HDAC9: variants seen among roughly 807,000 people sequenced by gnomAD.
HDAC9 encodes the protein histone deacetylase 9.
Under a neutral mutation model 139.4 loss-of-function variants are expected in HDAC9, and 41 were observed. That is an observed-to-expected ratio of 0.29 (90% CI 0.23 to 0.38). HDAC9 has a LOEUF of 0.38. HDAC9 is among the 10% of genes least tolerant of loss of function. HDAC9 has a pLI of 1.00. For missense variants in HDAC9, 1,147 were observed against 1,297.0 expected (o/e 0.88, Z 1.78); for synonymous variants, 517 against 476.2 (o/e 1.09, Z -1.12).
At chr7:18,369,236 C>G (rs1018967802) in intron 1 of HDAC9, among the ~76,000 whole-genome samples, 2 of 151,874 alleles carry the variant, frequency 1.3e-5, no homozygotes, top group African/African-American at 4.8e-5. Flanking sequence ...TGTTTTGTCT[C>G]AATGTAACAG....
At chr7:18,840,397 C>G (rs1001464208) in intron 21 of HDAC9, among the ~76,000 whole-genome samples, 1 of 152,042 alleles carries the variant, frequency 6.6e-6, no homozygotes, top group Non-Finnish European at 1.5e-5. Flanking sequence ...GGGGAAAACT[C>G]TGACCCAGAA....
chr7:18,636,378 T>G (rs1029600747), intron 8 of HDAC9, among the ~76,000 whole-genome samples: 1 of 152,036 alleles, frequency 6.6e-6, no homozygotes. Context: ...CTAGTCCTTG[T>G]GTAGATCTGT....
intron 21 of HDAC9, among the ~76,000 whole-genome samples, chr7:18,871,820 TAA>T (rs1237854086): frequency 6.6e-6 from 1 of 152,108 alleles, no homozygotes; most frequent in Non-Finnish European, 1.5e-5. Flanking sequence ...ATTGCCAAAA[TAA>T]AGAGATCTGT....
chr7:18,880,092 C>G (rs1277615003), intron 22 of HDAC9, among the ~76,000 whole-genome samples: 1 of 152,094 alleles, frequency 6.6e-6, no homozygotes, highest in East Asian at 1.9e-4. Flanking sequence ...GAAATGCGAT[C>G]AAAGCCACAA....
At chr7:18,827,333 G>C (rs1326973601) in intron 17 of HDAC9, among the ~76,000 whole-genome samples, 2 of 151,946 alleles carry the variant, frequency 1.3e-5, no homozygotes, top group Non-Finnish European at 2.9e-5. Context: ...TGTGTACATA[G>C]TTAATGGCAC....
At chr7:18,786,779 TTTTC>T (rs774533317) in intron 16 of HDAC9, among the ~76,000 whole-genome samples, 10,082 of 79,842 alleles carry the variant, frequency 0.13, 989 homozygotes, top group African/African-American at 0.21. Context: ...TCTTTCTTTC[TTTTC>T]TTTCTTTCTT....
intron 13 of HDAC9, among the ~76,000 whole-genome samples, chr7:18,732,671 ATG>A (rs1193727539): frequency 8.0e-6 from 1 of 124,446 alleles, no homozygotes; most frequent in Non-Finnish European, 1.7e-5. Flanking sequence ...ACACGTGTAT[ATG>A]TGTGCGTATG....
intron 13 of HDAC9, among the ~76,000 whole-genome samples, chr7:18,735,152 G>T (rs764518378): frequency 2.0e-5 from 3 of 152,118 alleles, no homozygotes; most frequent in Non-Finnish European, 4.4e-5. Flanking sequence ...TTGTCAGATG[G>T]GTAGATTGCA....
intron 2 of HDAC9, among the ~76,000 whole-genome samples, chr7:18,534,082 T>C (rs2035504688): frequency 1.3e-5 from 2 of 152,218 alleles, no homozygotes. Flanking sequence ...CCTCCTTTCA[T>C]GTTTGTTTTG....
chr7:18,499,830 C>G (rs1321799236), intron 2 of HDAC9, among the ~76,000 whole-genome samples: 1 of 152,056 alleles, frequency 6.6e-6, no homozygotes, highest in African/African-American at 2.4e-5. Flanking sequence ...TATCTTCACC[C>G]TTTTTTGAAT....
At chr7:18,701,880 C>A (rs1314459006) in intron 12 of HDAC9, among the ~76,000 whole-genome samples, 1 of 152,234 alleles carries the variant, frequency 6.6e-6, no homozygotes, top group Non-Finnish European at 1.5e-5. Flanking sequence ...AATTCTTGCT[C>A]TATTAATTAC....
intron 22 of HDAC9, among the ~76,000 whole-genome samples, chr7:18,887,457 G>A (rs1244170972): frequency 6.6e-6 from 1 of 152,108 alleles, no homozygotes; most frequent in Admixed American, 6.5e-5. Flanking sequence ...TTTGTGTCTT[G>A]ATGTTCTTTT....
intron 2 of HDAC9, among the ~76,000 whole-genome samples, chr7:18,500,218 A>G (rs900194141): frequency 1.3e-5 from 2 of 152,188 alleles, no homozygotes; most frequent in African/African-American, 4.8e-5. Flanking sequence ...TGGAAGACTG[A>G]AATAAATCCA....
At chr7:18,971,738 G>A (rs966268615) in intron 24 of HDAC9, among the ~76,000 whole-genome samples, 2 of 152,118 alleles carry the variant, frequency 1.3e-5, no homozygotes, top group African/African-American at 4.8e-5. Context: ...TAAAGTTTTG[G>A]GTTATTTCTG....
At chr7:18,829,120 C>G in intron 17 of HDAC9, 41 bp from the exon 18 acceptor site, 1 of 1,433,832 alleles carries the variant, frequency 7.0e-7, no homozygotes, top group Non-Finnish European at 9.8e-7. Flanking sequence ...CCTACCCTCT[C>G]CATTATATCT....
At chr7:18,628,668 A>G (rs1781424962) in intron 6 of HDAC9, among the ~76,000 whole-genome samples, 1 of 152,202 alleles carries the variant, frequency 6.6e-6, no homozygotes, top group South Asian at 2.1e-4. Context: ...GTGCATTTGT[A>G]TTATGGAATA....
chr7:18,807,557 G>A (rs2129187517), intron 17 of HDAC9, among the ~76,000 whole-genome samples: 1 of 151,992 alleles, frequency 6.6e-6, no homozygotes, highest in South Asian at 2.1e-4. Flanking sequence ...TTTTGGTACT[G>A]TAGGCATTTA....
chr7:18,841,159 A>G (rs143982093), intron 21 of HDAC9, among the ~76,000 whole-genome samples: 39 of 152,212 alleles, frequency 2.6e-4, no homozygotes, highest in Middle Eastern at 6.8e-3. Flanking sequence ...GCTAATTCTT[A>G]GAAGATTAAC....
At chr7:18,661,048 C>G (rs1267655649) in intron 11 of HDAC9, among the ~76,000 whole-genome samples, 2 of 152,116 alleles carry the variant, frequency 1.3e-5, no homozygotes, top group East Asian at 3.9e-4. Context: ...AGAGGGCAAT[C>G]AAGGAGCCCA....
Sources: allele counts gnomAD v4.1 joint callset (sites outside exome capture counted in the v4.1 genomes callset), GRCh38; gene constraint gnomAD v4.1.1; transcripts MANE v1.5; gene names NCBI Gene and HGNC (gene_info 2026-07-23, HGNC 2026-07-21).